Variants in GTF2B observed in about 807,000 individuals in gnomAD.
GTF2B encodes general transcription factor IIB, also known as transcription initiation factor IIB.
Under a neutral mutation model 34.6 loss-of-function variants are expected in GTF2B, and 20 were observed. That is an observed-to-expected ratio of 0.58 (90% CI 0.41 to 0.84). GTF2B has a LOEUF of 0.84. Among genes scored for constraint, GTF2B ranks in the 40% least tolerant of loss-of-function variants. The pLI, the probability that GTF2B is intolerant of heterozygous loss-of-function variation, is 0.00. For missense variants in GTF2B, 237 were observed against 393.3 expected (o/e 0.60, Z 3.36); for synonymous variants, 142 against 132.4 (o/e 1.07, Z -0.50).
At chr1:88,878,998 T>C (rs1056306619) in intron 2 of GTF2B, among the ~76,000 whole-genome samples, 1 of 152,176 alleles carries the variant, frequency 6.6e-6, no homozygotes, top group Non-Finnish European at 1.5e-5. Flanking sequence ...TACTGACTCA[T>C]AAAATCATGA....
chr1:88,872,463 A>AG (rs1673718008), intron 2 of GTF2B, among the ~76,000 whole-genome samples: 1 of 150,356 alleles, frequency 6.7e-6, no homozygotes, highest in Admixed American at 6.6e-5. Flanking sequence ...AATAAAAAAA[A>AG]AAAAAAAAAA....
chr1:88,854,837 T>C (rs1557651488), intron 6 of GTF2B, among the ~76,000 whole-genome samples: 1 of 152,214 alleles, frequency 6.6e-6, no homozygotes, highest in Non-Finnish European at 1.5e-5. Flanking sequence ...ACCTTTTCAG[T>C]TGATTCAAAT....
chr1:88,874,294 ATT>A (rs1673764231), intron 2 of GTF2B, among the ~76,000 whole-genome samples: 1 of 151,932 alleles, frequency 6.6e-6, no homozygotes, highest in Non-Finnish European at 1.5e-5. Context: ...TCTTATTGCA[ATT>A]TAATAAAGGA....
chr1:88,874,101 C>T (rs993830126), intron 2 of GTF2B, among the ~76,000 whole-genome samples: 2 of 152,092 alleles, frequency 1.3e-5, no homozygotes, highest in African/African-American at 4.8e-5. Context: ...GACATTTATC[C>T]TCTTTACTAT....
At chr1:88,856,272 C>CAAAAAACAAAAAAAA (rs1673303138) in intron 6 of GTF2B, among the ~76,000 whole-genome samples, 1 of 50,042 alleles carries the variant, frequency 2.0e-5, no homozygotes, top group African/African-American at 8.9e-5. Context: ...GTTTCAAAAA[C>CAAAAAACAAAAAAAA]AAAAAAAAAA....
chr1:88,878,566 C>T (rs1673864321), intron 2 of GTF2B, among the ~76,000 whole-genome samples: 1 of 152,126 alleles, frequency 6.6e-6, no homozygotes, highest in Non-Finnish European at 1.5e-5. Flanking sequence ...TTGTATTTTC[C>T]AAAGATGGCA....
intron 2 of GTF2B, among the ~76,000 whole-genome samples, chr1:88,879,750 C>T (rs929268866): frequency 5.3e-5 from 8 of 151,812 alleles, no homozygotes; most frequent in African/African-American, 1.7e-4. Context: ...ACAAATTAAA[C>T]GTTAATTAAA....
intron 2 of GTF2B, among the ~76,000 whole-genome samples, chr1:88,870,544 T>C (rs1281235386): frequency 6.6e-6 from 1 of 151,146 alleles, no homozygotes; most frequent in Non-Finnish European, 1.5e-5. Flanking sequence ...GATTTTTTTA[T>C]GTTAAAAATC....
intron 5 of GTF2B, 37 bp from the exon 6 acceptor site, chr1:88,857,524 A>C (rs765909079): frequency 9.2e-7 from 1 of 1,085,792 alleles, no homozygotes. Context: ...AATTCACTTA[A>C]GCCATATAGT....
intron 6 of GTF2B, among the ~76,000 whole-genome samples, chr1:88,856,855 G>T: frequency 6.8e-6 from 1 of 148,088 alleles, no homozygotes. Context: ...AGGCTGGAGT[G>T]CAATGGCACA....
chr1:88,853,531 G>A (rs1247204432), intron 6 of GTF2B, among the ~76,000 whole-genome samples, 185 bp from the exon 7 acceptor site: 3 of 152,218 alleles, frequency 2.0e-5, no homozygotes, highest in African/African-American at 4.8e-5. Context: ...TAGGCCGGGC[G>A]CAGTGGCTCA....
intron 1 of GTF2B, chr1:88,888,065 G>A (rs1325251063): frequency 1.3e-5 from 2 of 152,146 alleles, no homozygotes; most frequent in African/African-American, 4.8e-5. Context: ...GACAGAATCA[G>A]CTGTAAAAGC....
At chr1:88,879,812 T>C (rs1377211748) in intron 2 of GTF2B, among the ~76,000 whole-genome samples, 2 of 151,956 alleles carry the variant, frequency 1.3e-5, no homozygotes, top group African/African-American at 4.8e-5. Flanking sequence ...TCCCAGCACT[T>C]TGGGAGGTCG....
At chr1:88,882,338 C>A (rs76571200) in intron 2 of GTF2B, among the ~76,000 whole-genome samples, 2,022 of 104,386 alleles carry the variant, frequency 0.019, 45 homozygotes, top group East Asian at 0.06. Flanking sequence ...AAAAAAAAAA[C>A]GCTACAGAGG....
chr1:88,869,317 A>G (rs1673634039), intron 2 of GTF2B, among the ~76,000 whole-genome samples: 2 of 152,236 alleles, frequency 1.3e-5, no homozygotes, highest in African/African-American at 4.8e-5. Flanking sequence ...TCCTGGAACC[A>G]GTCCCCCACA....
chr1:88,889,728 T>G (rs1674156304), intron 1 of GTF2B, among the ~76,000 whole-genome samples: 1 of 152,160 alleles, frequency 6.6e-6, no homozygotes, highest in Non-Finnish European at 1.5e-5. Flanking sequence ...GGTAGAAATA[T>G]TATATTTAGG....
At chr1:88,869,443 A>G (rs1250310352) in intron 2 of GTF2B, among the ~76,000 whole-genome samples, 3 of 152,246 alleles carry the variant, frequency 2.0e-5, no homozygotes, top group African/African-American at 7.2e-5. Flanking sequence ...AACAACAAAT[A>G]TATCTCAAAA....
At chr1:88,872,821 T>A (rs1673728263) in intron 2 of GTF2B, among the ~76,000 whole-genome samples, 1 of 152,102 alleles carries the variant, frequency 6.6e-6, no homozygotes, top group Admixed American at 6.6e-5. Flanking sequence ...TGTCTCCTTG[T>A]GCTGTGTTAC....
At chr1:88,861,628 C>T (rs1673443435) in intron 3 of GTF2B, among the ~76,000 whole-genome samples, 1 of 152,200 alleles carries the variant, frequency 6.6e-6, no homozygotes, top group Non-Finnish European at 1.5e-5. Context: ...CGTGCCATTG[C>T]ACTCCAGCCT....
Sources: allele counts gnomAD v4.1 joint callset (sites outside exome capture counted in the v4.1 genomes callset), GRCh38; gene constraint gnomAD v4.1.1; transcripts MANE v1.5; gene names NCBI Gene and HGNC (gene_info 2026-07-23, HGNC 2026-07-21).